SAG: variants seen among roughly 807,000 people sequenced by gnomAD.
SAG encodes S-antigen visual arrestin.
In SAG, 45 loss-of-function variants were observed where a neutral mutation model predicts 55.0. That is an observed-to-expected ratio of 0.82 (90% CI 0.64 to 1.05). The LOEUF (loss-of-function observed/expected upper bound fraction) is 1.05. SAG is among the 50% of genes least tolerant of loss of function. The pLI is 0.00. For synonymous variants in SAG, 189 were observed against 197.4 expected, an observed-to-expected ratio of 0.96 and a Z score of 0.36; for missense variants, 455 against 512.1, an observed-to-expected ratio of 0.89 and a Z score of 1.08.
intron 2 of SAG, 78 bp downstream of exon 2, chr2:233,309,342 C>T: frequency 7.8e-7 from 1 of 1,278,358 alleles, no homozygotes; most frequent in Non-Finnish European, 1.1e-6. Context: ...ACAGTGTAGT[C>T]ATGATCAACA....
At chr2:233,311,569 G>A (rs933938620) in intron 2 of SAG, among the ~76,000 whole-genome samples, 7 of 152,114 alleles carry the variant, frequency 4.6e-5, no homozygotes, top group Non-Finnish European at 7.4e-5. Flanking sequence ...AATAGTTGGC[G>A]GCTTTTATCC....
chr2:233,343,521 C>T (rs1203394843), intron 14 of SAG: 2 of 308,430 alleles, frequency 6.5e-6, no homozygotes, highest in Non-Finnish European at 1.2e-5. Flanking sequence ...CGAAATGATG[C>T]AATAGTTGTA....
intron 6 of SAG, among the ~76,000 whole-genome samples, chr2:233,325,967 T>C (rs2125333665): frequency 6.6e-6 from 1 of 152,352 alleles, no homozygotes; most frequent in East Asian, 1.9e-4. Flanking sequence ...TATGATTCCC[T>C]GGTTGCAGAA....
intron 5 of SAG, among the ~76,000 whole-genome samples, chr2:233,322,270 G>T (rs1700413076): frequency 1.3e-5 from 2 of 150,992 alleles, no homozygotes; most frequent in Non-Finnish European, 2.9e-5. Context: ...ATTTATTACA[G>T]CATTGTTTGT....
At chr2:233,329,686 C>G (rs1488800379) in intron 9 of SAG, 109 bp downstream of exon 9, 1 of 731,936 alleles carries the variant, frequency 1.4e-6, no homozygotes, top group Non-Finnish European at 2.4e-6. Context: ...GTCCTTGGAA[C>G]TGGCTACTTG....
In SAG at chr2:233,342,681, C is replaced by T. The variant is rs556374384; in HGVS notation, c.1102+355C>T. ...TTTAGGTAAAAACTTAATTTTAGAG[C>T]ACGAGGATTTTGCATTTCATTTGGA... is the stretch of plus-strand genomic sequence containing the variant. On this transcript the variant is annotated intron_variant, in intron 14 of 15. Transcript: ENST00000409110. The T allele has an allele frequency of 6.2e-4, 131 of 211,808 alleles. 1 individual carries two copies. The highest frequency in any genetic ancestry group is 2.9e-3 in the African/African-American group (126 of 43,220). 13.1% of individuals were successfully genotyped at this position (211,808 alleles called of 1,614,324 possible).
chr2:233,320,254 G>A (rs994729964), intron 4 of SAG, among the ~76,000 whole-genome samples: 48 of 152,060 alleles, frequency 3.2e-4, no homozygotes, highest in African/African-American at 1.1e-3. Context: ...TCCTTCATTC[G>A]TCCAGACATC....
intron 8 of SAG, chr2:233,329,131 T>G (rs1006207741): frequency 3.4e-6 from 1 of 294,006 alleles, no homozygotes; most frequent in Admixed American, 6.1e-5. Context: ...GTGCACTGTG[T>G]GTATACACGT....
intron 3 of SAG, among the ~76,000 whole-genome samples, chr2:233,317,976 A>T (rs1018157948): frequency 7.9e-5 from 12 of 151,912 alleles, no homozygotes; most frequent in South Asian, 6.2e-4. Context: ...CTGGAAAAAA[A>T]TTTTTTTTGT....
chr2:233,329,650 T>C (rs1195403272), intron 9 of SAG, 73 bp downstream of exon 9: 21 of 1,050,558 alleles, frequency 2.0e-5, no homozygotes, highest in African/African-American at 3.1e-5. Flanking sequence ...AGAGGTCACT[T>C]CTCTGGTCTG....
intron 1 of SAG, 117 bp from the exon 2 acceptor site, chr2:233,309,045 C>A: frequency 1.6e-6 from 1 of 606,282 alleles, no homozygotes; most frequent in Non-Finnish European, 3.0e-6. Context: ...GGTACAAGGG[C>A]ATGGTGAGGA....
In SAG at chr2:233,319,442, C is replaced by T. The variant is rs1700313718; in HGVS notation, c.181+647C>T. 1 of 374,212 alleles carries T rather than the reference C, an allele frequency of 2.7e-6. No individual in the cohort carries two copies. The highest frequency in any genetic ancestry group is 3.8e-6 in the Non-Finnish European group (1 of 264,600). 23.2% of individuals were successfully genotyped at this position (374,212 alleles called of 1,614,324 possible). A position where few individuals can be genotyped will look rare whatever the true frequency, so the allele number is the denominator to read the frequency against. ...AACAGTTGCATAAACCAAATTAGAA[C>T]AGATTCCAGCTATCCTTGTGATAAT... On this transcript the variant is annotated intron_variant, in intron 4 of 15. Transcript: ENST00000409110. The surrounding 1 kb of genome is among the most constrained non-coding windows in gnomAD (Gnocchi z 4.4).
At chr2:233,315,536 G>A (rs1397119348) in intron 2 of SAG, among the ~76,000 whole-genome samples, 3 of 151,160 alleles carry the variant, frequency 2.0e-5, no homozygotes, top group African/African-American at 7.3e-5. Context: ...CAGGTGATCC[G>A]CCCGCCTCAG....
rs367731825 is a variant in SAG at position 233,309,253 on chromosome 2, C to T, written c.64C>T (p.Arg22Trp). ...CCATGTTATCTTCAAGAAGATCTCCCGGGACAAATCGGTGAGTGGTGCACA... is the reference window on the plus strand; with the variant it reads ...CCATGTTATCTTCAAGAAGATCTCCTGGGACAAATCGGTGAGTGGTGCACA... Reference protein sequence around the residue: ...PNHVIFKKISRDKSVTIYLGN... With the variant: ...PNHVIFKKISWDKSVTIYLGN... Residue 22 changes from arginine (R) to tryptophan (W), a missense_variant, in exon 2 of 16, where the codon CGG (arginine) becomes TGG (tryptophan). Coordinates refer to ENST00000409110, the MANE Select transcript of SAG (RefSeq NM_000541.5). 68 of 1,612,866 alleles carry T rather than the reference C, an allele frequency of 4.2e-5. No homozygotes were observed. The highest frequency in any genetic ancestry group is 8.0e-5 in the African/African-American group (6 of 74,850).
intron 1 of SAG, among the ~76,000 whole-genome samples, chr2:233,308,877 A>G (rs138492706): frequency 1.6e-4 from 25 of 152,378 alleles, no homozygotes; most frequent in African/African-American, 5.3e-4. Context: ...GTCAGAAAGT[A>G]AAACCTCATT....
At chr2:233,315,728 A>T (rs537195198) in intron 2 of SAG, among the ~76,000 whole-genome samples, 1 of 146,596 alleles carries the variant, frequency 6.8e-6, no homozygotes, top group African/African-American at 2.6e-5. Context: ...TTTGAGACGG[A>T]GTCTCACTCT....
At chr2:233,343,792 A>C in intron 14 of SAG, 1 of 1,023,584 alleles carries the variant, frequency 9.8e-7, no homozygotes, top group Non-Finnish European at 1.2e-6. Flanking sequence ...AAAGTGGTAT[A>C]AACAAGCAGG....
intron 14 of SAG, chr2:233,343,629 G>C: frequency 1.6e-6 from 2 of 1,223,284 alleles, no homozygotes; most frequent in Non-Finnish European, 1.1e-6. Flanking sequence ...TTTCTAAAAA[G>C]GTAAATGAAG....
chr2:233,314,943 A>C (rs1700177232), intron 2 of SAG, among the ~76,000 whole-genome samples: 1 of 152,158 alleles, frequency 6.6e-6, no homozygotes. Context: ...ACTCTCATTC[A>C]TTGGTGCACT....
Sources: allele counts gnomAD v4.1 joint callset (sites outside exome capture counted in the v4.1 genomes callset), GRCh38; gene constraint gnomAD v4.1.1; non-coding constraint Gnocchi (gnomAD v3.1); transcripts MANE v1.5; gene names NCBI Gene and HGNC (gene_info 2026-07-23, HGNC 2026-07-21).